GRIN2A: variants seen among roughly 807,000 people sequenced by gnomAD.
GRIN2A encodes glutamate receptor ionotropic, NMDA 2A.
A neutral mutation model predicts 113.4 loss-of-function variants in GRIN2A; 22 were observed. The ratio of observed to expected loss-of-function variants is 0.19; its 90% CI spans 0.14 to 0.28. The LOEUF (loss-of-function observed/expected upper bound fraction) is 0.28. Among genes scored for constraint, GRIN2A ranks in the 10% least tolerant of loss-of-function variants. GRIN2A has a pLI of 1.00. For missense variants in GRIN2A, 1,502 were observed against 1,887.0 expected (o/e 0.80, Z 3.78); for synonymous variants, 827 against 738.4 (o/e 1.12, Z -1.94).
chr16:9,994,590 A>T (rs8044744), intron 2 of GRIN2A, among the ~76,000 whole-genome samples: 51,030 of 152,084 alleles, frequency 0.34, 8,848 homozygotes, highest in Middle Eastern at 0.39. Flanking sequence ...AAGATGAGGG[A>T]AATTATTGAT....
intron 2 of GRIN2A, among the ~76,000 whole-genome samples, chr16:10,166,289 T>G (rs920215164): frequency 2.0e-5 from 3 of 152,208 alleles, no homozygotes; most frequent in Non-Finnish European, 4.4e-5. Context: ...GCTCAATGTT[T>G]GATGGTAAGA....
chr16:10,180,272 G>C lies in GRIN2A; in HGVS notation c.140C>G (p.Thr47Arg), dbSNP rs1273398229. The C allele has an allele frequency of 6.2e-7, 1 of 1,613,468 alleles. No individual in the cohort carries two copies. The highest frequency in any genetic ancestry group is 8.5e-7 in the Non-Finnish European group (1 of 1,180,024). Reference protein sequence around the residue: ...AVMLGHSHDVTERELRTLWGP... With the variant: ...AVMLGHSHDVRERELRTLWGP... ...CCACAGTGTTCGAAGTTCGCGCTCTGTCACGTCGTGGCTGTGACCCAGCAT... is the reference window on the plus strand; with the variant it reads ...CCACAGTGTTCGAAGTTCGCGCTCTCTCACGTCGTGGCTGTGACCCAGCAT... The change falls in exon 2 of 13, where the codon ACA becomes AGA. Residue 47 changes from threonine to arginine, a missense_variant. Around this residue, in one of 7 missense-constraint regions of GRIN2A, gnomAD observed 149 missense variants for 179.1 expected, o/e 0.83. Transcript: ENST00000330684. The surrounding 1 kb of genome is among the most constrained non-coding windows in gnomAD (Gnocchi z 7.0).
intron 4 of GRIN2A, among the ~76,000 whole-genome samples, chr16:9,880,479 G>C (rs2043456229): frequency 6.6e-6 from 1 of 152,120 alleles, no homozygotes; most frequent in Non-Finnish European, 1.5e-5. Flanking sequence ...ATTGGGTGAG[G>C]CTCGCCCCAA....
At chr16:10,069,209 G>A (rs1448263) in intron 2 of GRIN2A, among the ~76,000 whole-genome samples, 1,643 of 152,312 alleles carry the variant, frequency 0.011, 35 homozygotes, top group African/African-American at 0.038. Flanking sequence ...TTCATCTACA[G>A]CTCCAGATGG....
At chr16:10,137,593 TG>T (rs547234550) in intron 2 of GRIN2A, among the ~76,000 whole-genome samples, 202 of 152,356 alleles carry the variant, frequency 1.3e-3, no homozygotes, top group African/African-American at 4.7e-3. Flanking sequence ...GCTGGCTGTA[TG>T]GCCACTGTAT....
chr16:10,179,694 TGCCACCACC>T (rs1277466926), intron 2 of GRIN2A: 5 of 474,418 alleles, frequency 1.1e-5, no homozygotes, highest in African/African-American at 3.9e-5. Flanking sequence ...TCTCCAAACA[TGCCACCACC>T]GCCACCACCA....
intron 2 of GRIN2A, among the ~76,000 whole-genome samples, chr16:9,995,300 G>A (rs1232885395): frequency 1.3e-5 from 2 of 152,224 alleles, no homozygotes; most frequent in Non-Finnish European, 2.9e-5. Flanking sequence ...GCACAAGCCA[G>A]ATGTGGTCAA....
intron 10 of GRIN2A, among the ~76,000 whole-genome samples, chr16:9,807,673 A>G (rs935407646): frequency 3.3e-5 from 5 of 152,170 alleles, no homozygotes; most frequent in African/African-American, 1.2e-4. Context: ...ACTGAGGCCC[A>G]GAGATCTCCG....
chr16:10,131,166 T>C (rs1214474780), intron 2 of GRIN2A, among the ~76,000 whole-genome samples: 2 of 152,180 alleles, frequency 1.3e-5, no homozygotes, highest in Admixed American at 6.5e-5. Context: ...AAAACACTTA[T>C]TGACCAGCTT....
At chr16:10,086,159 T>C (rs2048081857) in intron 2 of GRIN2A, among the ~76,000 whole-genome samples, 1 of 152,282 alleles carries the variant, frequency 6.6e-6, no homozygotes, top group Non-Finnish European at 1.5e-5. Flanking sequence ...AATACTTTTT[T>C]ATGCAAATCT....
intron 2 of GRIN2A, among the ~76,000 whole-genome samples, chr16:9,963,833 A>G (rs1413042867): frequency 6.6e-6 from 1 of 152,212 alleles, no homozygotes; most frequent in Non-Finnish European, 1.5e-5. Context: ...GAGTATAGCA[A>G]TGATGGACAA....
In GRIN2A at chr16:9,764,574, C is replaced by G. The variant is rs1300708683; in HGVS notation, c.2970G>C (p.Glu990Asp). ...FQGQHPLTLN[E>D]SNPNTVEVAV... ...CCACCTCCACCGTGTTAGGGTTGGA[C>G]TCATTGAGAGTAAGAGGATGTTGTC... Residue 990 changes from glutamate (E) to aspartate (D), a missense_variant, in exon 13 of 13, where the codon GAG becomes GAC. Physicochemically the swap from Glu to Asp is conservative, Grantham distance 45. Transcript: ENST00000330684. 3 of 1,614,004 alleles carry G rather than the reference C, an allele frequency of 1.9e-6. No homozygotes were observed. Among genetic ancestry groups the G allele is most frequent in the Non-Finnish European group, 2.5e-6 (3 of 1,180,004 alleles).
intron 2 of GRIN2A, among the ~76,000 whole-genome samples, chr16:10,086,824 C>A (rs1206004023): frequency 1.3e-5 from 2 of 152,168 alleles, no homozygotes; most frequent in Non-Finnish European, 2.9e-5. Context: ...TCATTCCCAC[C>A]ATGACACTCA....
chr16:9,975,279 A>G (rs1412161622), intron 2 of GRIN2A, among the ~76,000 whole-genome samples: 1 of 152,196 alleles, frequency 6.6e-6, no homozygotes, highest in Admixed American at 6.6e-5. Context: ...GTGTTATGTT[A>G]CATGAAAAAA....
intron 11 of GRIN2A, among the ~76,000 whole-genome samples, chr16:9,789,050 C>T (rs1212323770): frequency 2.0e-5 from 3 of 152,130 alleles, no homozygotes; most frequent in Non-Finnish European, 4.4e-5. Context: ...CCTTCTCTGC[C>T]CTTCTTATCT....
chr16:10,011,351 T>A (rs1366765901), intron 2 of GRIN2A, among the ~76,000 whole-genome samples: 1 of 152,218 alleles, frequency 6.6e-6, no homozygotes, highest in Non-Finnish European at 1.5e-5. Flanking sequence ...GAGTTGTGAC[T>A]CTTAAGACAT....
At chr16:9,832,117 T>TATTC (rs2042507320) in intron 8 of GRIN2A, among the ~76,000 whole-genome samples, 1 of 149,808 alleles carries the variant, frequency 6.7e-6, no homozygotes, top group Non-Finnish European at 1.5e-5. Flanking sequence ...TTTATTTATT[T>TATTC]ATTTATTTAT....
chr16:10,090,470 T>G (rs929818212), intron 2 of GRIN2A, among the ~76,000 whole-genome samples: 1 of 152,106 alleles, frequency 6.6e-6, no homozygotes, highest in Non-Finnish European at 1.5e-5. Flanking sequence ...CTGGGAAAAT[T>G]TGATATCAAT....
intron 11 of GRIN2A, among the ~76,000 whole-genome samples, chr16:9,792,397 AT>A (rs1383985194): frequency 1.3e-5 from 2 of 151,998 alleles, no homozygotes; most frequent in African/African-American, 4.8e-5. Flanking sequence ...AATTTAAAAA[AT>A]TTTTTTGTAG....
Sources: allele counts gnomAD v4.1 joint callset (sites outside exome capture counted in the v4.1 genomes callset), GRCh38; gene constraint gnomAD v4.1.1; regional missense constraint gnomAD v4.1.1; non-coding constraint Gnocchi (gnomAD v3.1); transcripts MANE v1.5; gene names NCBI Gene and HGNC (gene_info 2026-07-23, HGNC 2026-07-21).